Variants in FAM185A observed in about 807,000 individuals in gnomAD.
FAM185A encodes protein FAM185A.
FAM185A carries 21 observed loss-of-function variants against 45.7 expected under a neutral mutation model. That is an observed-to-expected ratio of 0.46 (90% CI 0.33 to 0.66). The LOEUF (loss-of-function observed/expected upper bound fraction) is 0.66. FAM185A is among the 30% of genes least tolerant of loss of function. The pLI, the probability that FAM185A is intolerant of heterozygous loss-of-function variation, is 0.03. For missense variants in FAM185A, 305 were observed against 485.4 expected (o/e 0.63, Z 3.49); for synonymous variants, 117 against 194.0 (o/e 0.60, Z 3.30).
chr7:102,840,737 A>C, the FAM185A span, among the ~76,000 whole-genome samples: 1 of 152,234 alleles, frequency 6.6e-6, no homozygotes, highest in Non-Finnish European at 1.5e-5. Flanking sequence ...GTGGAAAAAA[A>C]GAGAGCCTGG....
chr7:102,749,586 G>A lies in FAM185A; in HGVS notation c.379G>A (p.Glu127Lys). ...GCAGGTGAAGTACGACGAGGATCTG[G>A]AGGAGATGGCCATTGTGTCTGATAC... The part of the protein sequence containing the change: ...GLQVKYDEDL[E>K]EMAIVSDTIH... Residue 127 changes from glutamate to lysine, a missense_variant, in exon 1 of 8, where the codon GAG becomes AAG. Physicochemically the swap from Glu to Lys is moderately conservative, Grantham distance 56. Coordinates refer to ENST00000413034, the MANE Select transcript of FAM185A (RefSeq NM_001145268.2). The A allele has an allele frequency of 6.5e-7, 1 of 1,527,510 alleles. No individual in the cohort carries two copies. The highest frequency in any genetic ancestry group is 8.8e-7 in the Non-Finnish European group (1 of 1,136,198). The allele number at this position is 1,527,510 out of a possible 1,614,324, so 94.6% of individuals were successfully genotyped here.
chr7:102,827,451 T>C, the FAM185A span, among the ~76,000 whole-genome samples: 1 of 152,180 alleles, frequency 6.6e-6, no homozygotes, highest in Non-Finnish European at 1.5e-5. Context: ...AGTGACTGGT[T>C]ACACAGCAAA....
chr7:102,835,888 C>A, the FAM185A span, among the ~76,000 whole-genome samples: 1 of 152,082 alleles, frequency 6.6e-6, no homozygotes, highest in African/African-American at 2.4e-5. Flanking sequence ...GGATTACAGG[C>A]GTGAGCCACC....
chr7:102,800,085 C>T (rs1224939682), intron 7 of FAM185A, among the ~76,000 whole-genome samples: 1 of 152,204 alleles, frequency 6.6e-6, no homozygotes, highest in Non-Finnish European at 1.5e-5. Context: ...GGAATCTGTG[C>T]AGACAACTCC....
the FAM185A span, among the ~76,000 whole-genome samples, chr7:102,834,076 GGAAGGAAA>G: frequency 1.5e-3 from 153 of 104,664 alleles, 2 homozygotes; most frequent in African/African-American, 3.5e-3. Flanking sequence ...AAGGAAGGAA[GGAAGGAAA>G]GAAAAGAAAG....
At chr7:102,800,587 A>G (rs1055624210) in intron 7 of FAM185A, among the ~76,000 whole-genome samples, 1 of 152,240 alleles carries the variant, frequency 6.6e-6, no homozygotes, top group Non-Finnish European at 1.5e-5. Context: ...ACTTATAGAA[A>G]TGCAAAATGC....
At chr7:102,795,696 T>A (rs1796404019) in intron 7 of FAM185A, among the ~76,000 whole-genome samples, 1 of 151,962 alleles carries the variant, frequency 6.6e-6, no homozygotes, top group South Asian at 2.1e-4. Context: ...TAATGCCTGT[T>A]CTTCCCACCA....
At chr7:102,832,006 T>C in the FAM185A span, among the ~76,000 whole-genome samples, 2 of 152,202 alleles carry the variant, frequency 1.3e-5, no homozygotes, top group Non-Finnish European at 2.9e-5. Context: ...ATTCTATTAT[T>C]TTAAAAAACA....
chr7:102,755,941 T>C, intron 2 of FAM185A: 1 of 601,748 alleles, frequency 1.7e-6, no homozygotes, highest in South Asian at 2.0e-5. Flanking sequence ...CTGGGTTAAA[T>C]GTACACTGTT....
At chr7:102,806,571 G>T (rs371614745) in intron 7 of FAM185A, among the ~76,000 whole-genome samples, 3 of 151,862 alleles carry the variant, frequency 2.0e-5, no homozygotes, top group African/African-American at 7.3e-5. Context: ...GTGTTTTTTT[G>T]TTTTAAATTT....
At chr7:102,782,428 C>G (rs1332569614) in intron 6 of FAM185A, among the ~76,000 whole-genome samples, 1 of 152,066 alleles carries the variant, frequency 6.6e-6, no homozygotes, top group Non-Finnish European at 1.5e-5. Flanking sequence ...CAAAGGGAAG[C>G]CCATCAGACT....
At chr7:102,827,841 T>A in the FAM185A span, among the ~76,000 whole-genome samples, 2 of 152,160 alleles carry the variant, frequency 1.3e-5, no homozygotes, top group Admixed American at 6.5e-5. Context: ...CCATGGGGAA[T>A]CCTTTCCCCA....
chr7:102,817,815 C>G, the FAM185A span, among the ~76,000 whole-genome samples: 5 of 152,134 alleles, frequency 3.3e-5, no homozygotes, highest in Admixed American at 6.5e-5. Context: ...TGACTGCATT[C>G]CATTCTGCTT....
At chr7:102,795,123 T>C (rs1261325213) in intron 7 of FAM185A, among the ~76,000 whole-genome samples, 1 of 152,212 alleles carries the variant, frequency 6.6e-6, no homozygotes, top group Non-Finnish European at 1.5e-5. Context: ...AGATAAAATG[T>C]CATGAGTATA....
At chr7:102,835,849 T>G in the FAM185A span, among the ~76,000 whole-genome samples, 9 of 151,996 alleles carry the variant, frequency 5.9e-5, no homozygotes, top group Non-Finnish European at 8.8e-5. Context: ...GACCTCGTGA[T>G]CCGCCCGCCT....
the FAM185A span, among the ~76,000 whole-genome samples, chr7:102,834,424 A>G: frequency 7.0e-6 from 1 of 143,300 alleles, no homozygotes; most frequent in Non-Finnish European, 1.5e-5. Flanking sequence ...TATTATATAT[A>G]TGTGTGATTA....
downstream of FAM185A, among the ~76,000 whole-genome samples, chr7:102,813,938 C>T (rs1797648659): frequency 6.6e-6 from 1 of 152,112 alleles, no homozygotes; most frequent in South Asian, 2.1e-4. Context: ...ACCCAGAGTT[C>T]ACAGATCCCT....
At chr7:102,793,812 G>A (rs1371496671) in intron 7 of FAM185A, among the ~76,000 whole-genome samples, 1 of 151,822 alleles carries the variant, frequency 6.6e-6, no homozygotes, top group African/African-American at 2.4e-5. Flanking sequence ...GCCGAGGTGG[G>A]TGGATCACCT....
chr7:102,760,514 A>G (rs533571647), intron 3 of FAM185A, among the ~76,000 whole-genome samples: 3 of 152,056 alleles, frequency 2.0e-5, no homozygotes, highest in African/African-American at 7.2e-5. Flanking sequence ...TTCAAAACCT[A>G]TTCATGATTT....
Sources: gnomAD v4.1 joint callset for allele counts (sites outside exome capture counted in the v4.1 genomes callset) on GRCh38, gnomAD v4.1.1 for gene constraint, MANE v1.5 for transcripts, NCBI Gene and HGNC (gene_info 2026-07-23, HGNC 2026-07-21) for gene names.